The following GAK variants were observed in gnomAD, a reference collection of about 807,000 sequenced individuals.
GAK encodes cyclin-G-associated kinase.
GAK carries 79 observed loss-of-function variants against 143.9 expected under a neutral mutation model. That is an observed-to-expected ratio of 0.55 (90% CI 0.46 to 0.66). The LOEUF (loss-of-function observed/expected upper bound fraction) is 0.66, where lower values mean the gene tolerates loss of function less well. Among genes scored for constraint, GAK ranks in the 30% least tolerant of loss-of-function variants. The probability of loss-of-function intolerance (pLI) is 0.00; values close to 1 mark genes in which losing one functional copy is unlikely to be tolerated. For missense variants in GAK, 1,693 were observed against 1,779.7 expected, an observed-to-expected ratio of 0.95 and a Z score of 0.88; for synonymous variants, 881 against 765.5, an observed-to-expected ratio of 1.15 and a Z score of -2.49.
chr4:851,688 A>G, intron 25 of GAK, 62 bp downstream of exon 25: 1 of 1,517,520 alleles, frequency 6.6e-7, no homozygotes, highest in Non-Finnish European at 9.1e-7. Flanking sequence ...CATAGGTTCT[A>G]CCTTTAGCCA....
Position 851,954 on chromosome 4 carries a change from G to C in GAK, c.3304C>G (p.Pro1102Ala). 6.2e-7 allele frequency: 1 copy of C among 1,613,824 alleles called. No homozygotes were observed. Among genetic ancestry groups the C allele is most frequent in the South Asian group, 1.1e-5 (1 of 91,064 alleles). Residue 1102 changes from proline (P) to alanine (A), a missense_variant, in exon 25 of 28, where the codon CCT (proline) becomes GCT (alanine). Pro to Ala is a conservative substitution (Grantham distance 27). Coordinates refer to ENST00000314167, the MANE Select transcript of GAK (RefSeq NM_005255.4). ...GLQGSPAGFP[P>A]GGFIPKTATT... ...GCCGTTTTGGGAATGAAGCCCCCAG[G>C]AGGGAATCCAGCTGGTGAGCCTGTG...
intron 24 of GAK, 152 bp from the exon 25 acceptor site, chr4:852,126 CCA>C (rs1748273178): frequency 1.4e-6 from 1 of 709,640 alleles, no homozygotes; most frequent in African/African-American, 1.8e-5. Context: ...CCGGCTCCAC[CCA>C]CACGTGTGAA....
chr4:911,019 G>C (rs897639704), intron 4 of GAK, among the ~76,000 whole-genome samples: 1 of 151,992 alleles, frequency 6.6e-6, no homozygotes, highest in Non-Finnish European at 1.5e-5. Flanking sequence ...GACATCCCCC[G>C]CAGTCACTCA....
chr4:890,489 C>A, intron 10 of GAK, 43 bp downstream of exon 10: 1 of 1,480,716 alleles, frequency 6.8e-7, no homozygotes, highest in Non-Finnish European at 9.2e-7. Context: ...CGGGGTGCAG[C>A]AGGAGCGAGG....
Position 878,853 on chromosome 4 carries a change from C to T in GAK, c.1662-1044G>A, listed in dbSNP as rs192717866. ...CCATGCCCTGCAGGAGGCCCTCTCC[C>T]GGAGCTTGTGCGGGCCAGGCAGGTG... On this transcript the variant is annotated intron_variant, in intron 15 of 27. Transcript: ENST00000314167. 2.2e-4 allele frequency among the ~76,000 whole-genome samples: 33 copies of T among 152,288 alleles called. 1 individual carries two copies. The highest frequency in any genetic ancestry group is 6.2e-4 in the South Asian group (3 of 4,830).
chr4:868,397 A>G (rs1218707134), intron 20 of GAK, 142 bp downstream of exon 20: 2 of 697,452 alleles, frequency 2.9e-6, no homozygotes, highest in African/African-American at 3.6e-5. Flanking sequence ...GAACAGGCTG[A>G]CATGCCGGGT....
At chr4:930,804 C>G (rs778188328) in intron 1 of GAK, among the ~76,000 whole-genome samples, 9 of 152,098 alleles carry the variant, frequency 5.9e-5, no homozygotes, top group Non-Finnish European at 1.3e-4. Context: ...TTGGTTTTGA[C>G]CACAATGGAG....
chr4:851,784 C>T lies in GAK; in HGVS notation c.3474G>A (p.Ala1158=), dbSNP rs747944674. The change falls in exon 25 of 28, where the codon GCG becomes GCA. Residue 1158 remains alanine (A), a synonymous_variant. Transcript: ENST00000314167. The part of the protein sequence containing the change: ...NYASNFSVIG[A]REERGVRAPS... ...GTGCGCGGACCCCCCGCTCCTCCCGCGCCCCGATCACACTGAAGTTCGAGG... is the reference window on the plus strand; with the variant it reads ...GTGCGCGGACCCCCCGCTCCTCCCGTGCCCCGATCACACTGAAGTTCGAGG... The T allele has an allele frequency of 2.0e-5, 33 of 1,612,746 alleles. No individual in the cohort carries two copies. Among genetic ancestry groups the T allele is most frequent in the Non-Finnish European group, 2.4e-5 (28 of 1,179,526 alleles).
At chr4:917,541 T>C (rs532231198) in intron 1 of GAK, among the ~76,000 whole-genome samples, 13 of 151,680 alleles carry the variant, frequency 8.6e-5, no homozygotes, top group African/African-American at 2.4e-4. Flanking sequence ...AGAGTACATA[T>C]ACACATACAG....
Position 849,624 on chromosome 4 carries a change from A to G in GAK, c.*49T>C. The stretch of plus-strand genomic sequence containing the variant: ...TCACGGTGGGGACCCAGGTCCCACG[A>G]CGGCTCCCAACCTGTGGAGCTGTGT... On this transcript the variant is annotated 3_prime_UTR_variant, in exon 28 of 28. Coordinates refer to ENST00000314167, the MANE Select transcript of GAK (RefSeq NM_005255.4). 1 of 1,471,928 alleles carries G rather than the reference A, an allele frequency of 6.8e-7. No homozygotes were observed. Among genetic ancestry groups the G allele is most frequent in the Non-Finnish European group, 9.4e-7 (1 of 1,062,340 alleles). 91.2% of individuals were successfully genotyped at this position (1,471,928 alleles called of 1,614,324 possible). A position where few individuals can be genotyped will look rare whatever the true frequency, so the allele number is the denominator to read the frequency against.
chr4:899,523 A>G (rs1719459599), intron 5 of GAK, among the ~76,000 whole-genome samples: 1 of 152,190 alleles, frequency 6.6e-6, no homozygotes, highest in Non-Finnish European at 1.5e-5. Flanking sequence ...AGGCAGCGAG[A>G]GGAAGGCAAG....
chr4:887,272 CGTGT>C, intron 11 of GAK: 1 of 148,072 alleles, frequency 6.8e-6, no homozygotes, highest in Non-Finnish European at 1.5e-5. Flanking sequence ...CGCGCACTCA[CGTGT>C]ACACATGCAC....
At position 912,037 on chromosome 4, in the gene GAK, C is replaced by T. The variant is rs1298750126; in HGVS notation, c.268-250G>A. ...CACACCGGCCACACACACCTGACCA[C>T]AGCGACACCAAAGTCCATCCCGCGC... On this transcript the variant is annotated intron_variant, in intron 3 of 27. Transcript: ENST00000314167. The T allele has an allele frequency of 1.0e-5, 5 of 499,294 alleles. No individual in the cohort carries two copies. In the Admixed American group the frequency reaches 1.1e-4, roughly 11 times the overall value. The allele number at this position is 499,294 out of a possible 1,614,324, so 30.9% of individuals were successfully genotyped here.
In GAK at chr4:850,144, C is replaced by T. The variant is rs928769832; in HGVS notation, c.3658-76G>A. ...CCTCTGCACCGCGGAAACTGAGGCA[C>T]GACGCTGAGGAAGTGCCTGGTCACG... On this transcript the variant is annotated intron_variant, in intron 26 of 27. Transcript: ENST00000314167. 5.7e-6 allele frequency: 8 copies of T among 1,401,670 alleles called. No homozygotes were observed. In the Admixed American group the frequency reaches 7.1e-5, roughly 12 times the overall value. 86.8% of individuals were successfully genotyped at this position (1,401,670 alleles called of 1,614,324 possible).
intron 1 of GAK, among the ~76,000 whole-genome samples, chr4:925,475 T>A (rs1724568600): frequency 6.6e-6 from 1 of 152,184 alleles, no homozygotes; most frequent in Non-Finnish European, 1.5e-5. Flanking sequence ...TTTAATCAAC[T>A]CGGCCTCTTT....
At position 890,582 on chromosome 4, in the gene GAK, G is replaced by A. The variant is rs753418326; in HGVS notation, c.1031C>T (p.Ser344Phe). ...QNGGYGSATL[S>F]RGPPPPVGPA... Reference sequence around the variant, plus strand: ...GCCCACGGGAGGGGGTGGCCCTCGGGACAGTGTGGCGCTCCCGTAGCCTCC... The same window carrying A: ...GCCCACGGGAGGGGGTGGCCCTCGGAACAGTGTGGCGCTCCCGTAGCCTCC... The change falls in exon 10 of 28, where the codon TCC (serine) becomes TTC (phenylalanine). Residue 344 changes from serine to phenylalanine, a missense_variant. Ser to Phe is a radical substitution (Grantham distance 155). Coordinates refer to ENST00000314167, the MANE Select transcript of GAK (RefSeq NM_005255.4). 6.2e-6 allele frequency: 10 copies of A among 1,611,774 alleles called. No homozygotes were observed. In the South Asian group the frequency reaches 6.6e-5, roughly 11 times the overall value.
Position 893,959 on chromosome 4 carries a change from C to T in GAK, c.792G>A (p.Glu264=), listed in dbSNP as rs151250837. 4 of 1,612,676 alleles carry T rather than the reference C, an allele frequency of 2.5e-6. No individual in the cohort carries two copies. The African/African-American group carries it at 5.3e-5, about 22-fold the overall frequency. Residue 264 remains glutamate, a synonymous_variant, in exon 8 of 28, where the codon GAG becomes GAA. Transcript: ENST00000314167. ...YLLCFRQHPF[E]DGAKLRIVNG... is the part of the protein sequence containing the mutation. The stretch of plus-strand genomic sequence containing the variant: ...TGACTATTCGAAGTTTCGCTCCATC[C>T]TCAAAAGGGTGCTGCCGGAAGCACA...
Position 880,409 on chromosome 4 carries a change from T to C in GAK, c.1661+1498A>G, listed in dbSNP as rs546304360. ...CCCCCAGAGTCACAGAGTGCAGCTCTTTCTCTCGTCTCCTCCATCTGGAGG... is the reference window on the plus strand; with the variant it reads ...CCCCCAGAGTCACAGAGTGCAGCTCCTTCTCTCGTCTCCTCCATCTGGAGG... On this transcript the variant is annotated intron_variant, in intron 15 of 27. Coordinates refer to ENST00000314167, the MANE Select transcript of GAK (RefSeq NM_005255.4). 2.0e-5 allele frequency among the ~76,000 whole-genome samples: 3 copies of C among 152,348 alleles called. No individual in the cohort carries two copies. In the East Asian group the frequency reaches 5.8e-4, roughly 29 times the overall value.
chr4:866,784 G>A (rs1751263582), intron 21 of GAK, among the ~76,000 whole-genome samples, 172 bp downstream of exon 21: 1 of 152,212 alleles, frequency 6.6e-6, no homozygotes. Context: ...CGTGAGCTCA[G>A]GTGGGCAGCA....
Sources: allele counts gnomAD v4.1 joint callset (sites outside exome capture counted in the v4.1 genomes callset), GRCh38; gene constraint gnomAD v4.1.1; transcripts MANE v1.5; gene names NCBI Gene and HGNC (gene_info 2026-07-23, HGNC 2026-07-21).